Variants in EHMT1 observed in about 807,000 individuals in gnomAD.
EHMT1 encodes the protein histone-lysine N-methyltransferase EHMT1.
In EHMT1, 15 loss-of-function variants were observed where a neutral mutation model predicts 147.2. That is an observed-to-expected ratio of 0.10 (90% CI 0.07 to 0.16). The LOEUF (loss-of-function observed/expected upper bound fraction) is 0.16, where lower values mean the gene tolerates loss of function less well. Among genes scored for constraint, EHMT1 ranks in the 10% least tolerant of loss-of-function variants. The probability of loss-of-function intolerance (pLI) is 1.00; values close to 1 mark genes in which losing one functional copy is unlikely to be tolerated. For synonymous variants in EHMT1, 795 were observed against 709.6 expected (o/e 1.12, Z -1.91); for missense variants, 1,587 against 1,772.4 (o/e 0.90, Z 1.88).
At position 137,669,473 on chromosome 9, in the gene EHMT1, C is replaced by CCCGGG. The variant is rs1564563080; in HGVS notation, c.22-41492_22-41491insGGGCC. On this transcript the variant is annotated intron_variant, in intron 1 of 26. Transcript: ENST00000460843. ...TGCACTCACCTCCACCCAAGACGCC[C>CCCGGG]CCCACAGCACGTGCACTGGACTCCT... Among the ~76,000 whole-genome samples the CCCGGG allele has an allele frequency of 2.5e-5, 3 of 118,364 alleles. No individual in the cohort carries two copies. The East Asian group carries it at 7.5e-4, about 30-fold the overall frequency. The allele number at this position is 118,364 out of a possible 152,430, so 77.7% of individuals were successfully genotyped here. A position where few individuals can be genotyped will look rare whatever the true frequency, so the allele number is the denominator to read the frequency against.
intron 9 of EHMT1, among the ~76,000 whole-genome samples, chr9:137,758,856 G>A (rs1322543586): frequency 6.6e-6 from 1 of 152,028 alleles, no homozygotes; most frequent in Non-Finnish European, 1.5e-5. Flanking sequence ...GGCTGGGCGC[G>A]GTGGCTCACA....
At chr9:137,762,539 T>G in intron 9 of EHMT1, 136 bp from the exon 10 acceptor site, 1 of 1,471,372 alleles carries the variant, frequency 6.8e-7, no homozygotes, top group Non-Finnish European at 9.2e-7. Context: ...CGCAGGGCTG[T>G]TTGTGCTGGG....
chr9:137,775,180 G>T lies in EHMT1; in HGVS notation c.1719G>T (p.Val573=), dbSNP rs1242833815. The change falls in exon 11 of 27, where the codon GTG becomes GTT. Residue 573 remains valine (V), a synonymous_variant. Transcript: ENST00000460843. The surrounding 1 kb of genome is among the most constrained non-coding windows in gnomAD (Gnocchi z 6.1). ...CCTCCAACAAGGCCCCGCTCCTCGT[G>T]CTGTGTGAAGACCACCGGGGCCGCA... is the stretch of plus-strand genomic sequence containing the variant. ...MRPSNKAPLL[V]LCEDHRGRMV... 2 of 1,613,904 alleles carry T rather than the reference G, an allele frequency of 1.2e-6. No individual in the cohort carries two copies. Among genetic ancestry groups the T allele is most frequent in the South Asian group, 2.2e-5 (2 of 91,084 alleles).
Position 137,777,922 on chromosome 9 carries a change from G to A in EHMT1, c.2059G>A (p.Gly687Ser), listed in dbSNP as rs1267268829. The change falls in exon 13 of 27, where the codon GGT (glycine) becomes AGT (serine). Residue 687 changes from glycine (G) to serine (S), a missense_variant. Physicochemically the swap from Gly to Ser is moderately conservative, Grantham distance 56 (BLOSUM62 0). This residue lies in a region of EHMT1 where 77 missense variants were observed against 79.3 expected (regional missense o/e 0.97). Transcript: ENST00000460843. ...PPLSEDDKLQ[G>S]AASHVPEGFD... is the part of the protein sequence containing the mutation. ...ACTCTCGGAGGACGACAAGCTGCAGGGTGCAGCCTCCCACGTGCCCGAGGG... is the reference window on the plus strand; with the variant it reads ...ACTCTCGGAGGACGACAAGCTGCAGAGTGCAGCCTCCCACGTGCCCGAGGG... 2 of 1,613,748 alleles carry A rather than the reference G, an allele frequency of 1.2e-6. No homozygotes were observed. Among genetic ancestry groups the A allele is most frequent in the South Asian group, 1.1e-5 (1 of 91,064 alleles).
chr9:137,719,138 C>T (rs773457240), intron 3 of EHMT1, among the ~76,000 whole-genome samples: 1 of 152,184 alleles, frequency 6.6e-6, no homozygotes, highest in Non-Finnish European at 1.5e-5. Flanking sequence ...TCTATAATCT[C>T]TGTTGTAAAT....
At chr9:137,727,950 G>A (rs1269810140) in intron 3 of EHMT1, among the ~76,000 whole-genome samples, 1 of 152,188 alleles carries the variant, frequency 6.6e-6, no homozygotes, top group Non-Finnish European at 1.5e-5. Flanking sequence ...GCCCATTTTG[G>A]GTATTTTTTA....
At position 137,787,730 on chromosome 9, in the gene EHMT1, G is replaced by T; in HGVS notation, c.2383-3118G>T. ...GCCGCCAGGTCCCCAGGGTGCCACC[G>T]AAACATCGTAGATGCTTTTGTTGGG... On this transcript the variant is annotated intron_variant, in intron 15 of 26. Transcript: ENST00000460843. The surrounding 1 kb of genome is among the most constrained non-coding windows in gnomAD (Gnocchi z 4.2). 2.7e-6 allele frequency: 2 copies of T among 737,726 alleles called. No homozygotes were observed. The allele number at this position is 737,726 out of a possible 1,614,324, so 45.7% of individuals were successfully genotyped here.
At chr9:137,680,427 T>TG (rs1451848569) in intron 1 of EHMT1, among the ~76,000 whole-genome samples, 1 of 152,170 alleles carries the variant, frequency 6.6e-6, no homozygotes, top group African/African-American at 2.4e-5. Context: ...GGGCTGAAAT[T>TG]GTGCCACTGC....
intron 4 of EHMT1, 191 bp from the exon 5 acceptor site, chr9:137,743,180 C>T: frequency 1.6e-6 from 1 of 617,028 alleles, no homozygotes; most frequent in Admixed American, 3.0e-5. Context: ...TTCTGATTCT[C>T]TGTGAATTGA....
chr9:137,814,181 C>A, intron 21 of EHMT1: 2 of 595,518 alleles, frequency 3.4e-6, no homozygotes, highest in Non-Finnish European at 6.1e-6. Context: ...ACGTCACCCA[C>A]TGCCGCGTCG....
chr9:137,692,807 G>A (rs548495716), intron 1 of EHMT1, among the ~76,000 whole-genome samples: 19 of 152,262 alleles, frequency 1.2e-4, no homozygotes, highest in African/African-American at 4.6e-4. Flanking sequence ...AGTGTCTGTT[G>A]CTGCTGGGTG....
chr9:137,671,270 A>AT (rs1940593050), intron 1 of EHMT1, among the ~76,000 whole-genome samples: 1 of 152,178 alleles, frequency 6.6e-6, no homozygotes, highest in Non-Finnish European at 1.5e-5. Flanking sequence ...TTATTTCTGA[A>AT]TTGTGGGATT....
At chr9:137,716,509 G>T (rs1588322934) in intron 2 of EHMT1, 117 bp from the exon 3 acceptor site, 1 of 661,170 alleles carries the variant, frequency 1.5e-6, no homozygotes, top group Admixed American at 3.1e-5. Context: ...AGTTGTGGTG[G>T]TGTCATGGTG....
chr9:137,835,903 G>C lies in EHMT1; in HGVS notation c.*950G>C, dbSNP rs1564850532. 1 of 152,534 alleles carries C rather than the reference G, an allele frequency of 6.6e-6. No homozygotes were observed. The highest frequency in any genetic ancestry group is 1.5e-5 in the Non-Finnish European group (1 of 68,050). The allele number at this position is 152,534 out of a possible 1,614,324, so 9.4% of individuals were successfully genotyped here. A position where few individuals can be genotyped will look rare whatever the true frequency, so the allele number is the denominator to read the frequency against. On this transcript the variant is annotated 3_prime_UTR_variant, in exon 27 of 27. Transcript: ENST00000460843. ...GCCATCACCTTTTGTGTGGTGGCCT[G>C]GCAGGTCATATACTTTTTTTTGGCA...
At chr9:137,802,021 T>C (rs1287157750) in intron 18 of EHMT1, among the ~76,000 whole-genome samples, 1 of 152,186 alleles carries the variant, frequency 6.6e-6, no homozygotes, top group African/African-American at 2.4e-5. Context: ...TGACAATTAG[T>C]TTTGTAAGGC....
intron 6 of EHMT1, chr9:137,745,655 C>G (rs1948484166): frequency 2.5e-6 from 1 of 397,798 alleles, no homozygotes; most frequent in East Asian, 3.6e-5. Context: ...GGTCTCTGCA[C>G]ACACGTGTCT....
At chr9:137,772,823 A>C (rs1950678645) in intron 10 of EHMT1, among the ~76,000 whole-genome samples, 1 of 152,152 alleles carries the variant, frequency 6.6e-6, no homozygotes. Context: ...ACCCCAGTGC[A>C]TCTGTGTTTT....
chr9:137,742,105 C>T (rs1948137460), intron 4 of EHMT1, among the ~76,000 whole-genome samples: 1 of 152,186 alleles, frequency 6.6e-6, no homozygotes, highest in Admixed American at 6.5e-5. Context: ...CATGAACATA[C>T]TGCAGACGCC....
At chr9:137,634,375 A>G (rs1843827865) in intron 1 of EHMT1, among the ~76,000 whole-genome samples, 1 of 152,212 alleles carries the variant, frequency 6.6e-6, no homozygotes, top group East Asian at 1.9e-4. Context: ...CAGTTGGCTC[A>G]GCAGCGTTTG....
Sources: gnomAD v4.1 joint callset for allele counts (sites outside exome capture counted in the v4.1 genomes callset) on GRCh38, gnomAD v4.1.1 for gene constraint, gnomAD v4.1.1 regional missense constraint, Gnocchi (gnomAD v3.1) non-coding constraint, MANE v1.5 for transcripts, NCBI Gene and HGNC (gene_info 2026-07-23, HGNC 2026-07-21) for gene names.